PMP22: variants seen among roughly 807,000 people sequenced by gnomAD.
The protein encoded by PMP22 is Charcot-Marie-Tooth neuropathy 1A (greatly reduced nerve conduction velocity, hereditary motor sensory neuropathy Ia).
PMP22 carries 2 observed loss-of-function variants against 18.9 expected under a neutral mutation model. That is an observed-to-expected ratio of 0.11 (90% confidence interval 0.04 to 0.33). The LOEUF (loss-of-function observed/expected upper bound fraction) is 0.33. PMP22 is among the 10% of genes least tolerant of loss of function. PMP22 has a pLI of 1.00. For synonymous variants in PMP22, 95 were observed against 89.2 expected (o/e 1.07, Z -0.37); for missense variants, 169 against 202.2 (o/e 0.84, Z 1.00).
At chr17:15,256,969 G>A (rs1472076245) in intron 3 of PMP22, among the ~76,000 whole-genome samples, 3 of 152,154 alleles carry the variant, frequency 2.0e-5, no homozygotes, top group Non-Finnish European at 4.4e-5. Flanking sequence ...CCTGAGTGGC[G>A]TGAAAACAAA....
At chr17:15,236,515 G>A (rs1202274510) in intron 4 of PMP22, among the ~76,000 whole-genome samples, 4 of 152,156 alleles carry the variant, frequency 2.6e-5, no homozygotes, top group South Asian at 2.1e-4. Flanking sequence ...GGCATTTGCC[G>A]GGCATGCACG....
intron 3 of PMP22, among the ~76,000 whole-genome samples, chr17:15,251,008 C>T (rs1003908648): frequency 6.6e-6 from 1 of 152,162 alleles, no homozygotes; most frequent in Non-Finnish European, 1.5e-5. Flanking sequence ...GCTTAAAACC[C>T]TTCAATGATG....
At chr17:15,252,711 A>G (rs1908466382) in intron 3 of PMP22, among the ~76,000 whole-genome samples, 1 of 152,272 alleles carries the variant, frequency 6.6e-6, no homozygotes, top group Non-Finnish European at 1.5e-5. Context: ...ACACCTCAGC[A>G]TGAAAAAGTT....
At chr17:15,239,737 G>C in intron 3 of PMP22, 126 bp from the exon 4 acceptor site, 2 of 857,120 alleles carry the variant, frequency 2.3e-6, no homozygotes, top group Middle Eastern at 3.4e-4. Flanking sequence ...AGAAGCAGAA[G>C]TCCTTTTTCC....
intron 3 of PMP22, among the ~76,000 whole-genome samples, chr17:15,257,149 G>C (rs1398929662): frequency 6.6e-6 from 1 of 152,150 alleles, no homozygotes; most frequent in Non-Finnish European, 1.5e-5. Flanking sequence ...ACATGAGCTT[G>C]GCACAGAAGG....
intron 1 of PMP22, among the ~76,000 whole-genome samples, chr17:15,264,943 G>A (rs1198560487): frequency 6.6e-6 from 1 of 152,108 alleles, no homozygotes; most frequent in Non-Finnish European, 1.5e-5. Context: ...GATGCTCTCA[G>A]ATGGCCCCCC....
At chr17:15,240,495 T>C (rs958634191) in intron 3 of PMP22, among the ~76,000 whole-genome samples, 12 of 149,262 alleles carry the variant, frequency 8.0e-5, no homozygotes, top group Non-Finnish European at 1.8e-4. Context: ...CCAGACGGGA[T>C]GAAGGCTTAC....
chr17:15,230,712 G>T lies in PMP22; in HGVS notation c.*205C>A, dbSNP rs189734097. On this transcript the variant is annotated 3_prime_UTR_variant, in exon 5 of 5. Transcript: ENST00000312280. Reference sequence around the variant, plus strand: ...AGCAAACAATACTATGTACATATATGTAAAAAGTGTTATAAATAGGTTTTA... The same window carrying T: ...AGCAAACAATACTATGTACATATATTTAAAAAGTGTTATAAATAGGTTTTA... The T allele has an allele frequency of 1.5e-3, 918 of 598,700 alleles. 5 individuals carry two copies. Among genetic ancestry groups the T allele is most frequent in the Non-Finnish European group, 2.2e-3 (750 of 337,438 alleles). 37.1% of individuals were successfully genotyped at this position (598,700 alleles called of 1,614,324 possible).
chr17:15,255,939 G>A (rs888422608), intron 3 of PMP22, among the ~76,000 whole-genome samples: 1 of 152,048 alleles, frequency 6.6e-6, no homozygotes, highest in African/African-American at 2.4e-5. Context: ...ACCAGGCTCG[G>A]GACCATCAAG....
At chr17:15,237,528 A>G (rs1390855578) in intron 4 of PMP22, among the ~76,000 whole-genome samples, 2 of 152,222 alleles carry the variant, frequency 1.3e-5, no homozygotes, top group African/African-American at 4.8e-5. Flanking sequence ...GCAAATTTGC[A>G]TTTACCTTCC....
intron 3 of PMP22, among the ~76,000 whole-genome samples, chr17:15,240,647 A>C (rs1361664380): frequency 6.6e-6 from 1 of 152,090 alleles, no homozygotes; most frequent in East Asian, 1.9e-4. Context: ...AAACAACCTG[A>C]GTTCCACACT....
chr17:15,246,148 C>T (rs1024110307), intron 3 of PMP22, among the ~76,000 whole-genome samples: 19 of 152,224 alleles, frequency 1.2e-4, no homozygotes, highest in Non-Finnish European at 5.9e-5. Context: ...TCCTCTCCAG[C>T]ATAAGGGTGC....
At chr17:15,236,646 G>C (rs1035756848) in intron 4 of PMP22, among the ~76,000 whole-genome samples, 1 of 152,140 alleles carries the variant, frequency 6.6e-6, no homozygotes, top group Non-Finnish European at 1.5e-5. Context: ...TTCCCAAAAC[G>C]TGGGTTTCTC....
chr17:15,234,346 T>C (rs1906610283), intron 4 of PMP22, among the ~76,000 whole-genome samples: 1 of 152,160 alleles, frequency 6.6e-6, no homozygotes, highest in African/African-American at 2.4e-5. Flanking sequence ...GACTTCAAAG[T>C]GTACTTTGGT....
chr17:15,260,697 G>C lies in PMP22; in HGVS notation c.31C>G (p.Leu11Val), dbSNP rs1214377627. The C allele has an allele frequency of 6.4e-7, 1 of 1,553,780 alleles. No homozygotes were observed. The highest frequency in any genetic ancestry group is 2.0e-5 in the Admixed American group (1 of 51,230). MLLLLLSIIVLHVAVLVLLFV... is the reference protein window; with the variant it reads MLLLLLSIIVVHVAVLVLLFV... ...AGCAGCACCAGCACCGCGACGTGGAGGACGATGATACTCAGCAACAGGAGG... is the reference window on the plus strand; with the variant it reads ...AGCAGCACCAGCACCGCGACGTGGACGACGATGATACTCAGCAACAGGAGG... The change falls in exon 2 of 5, where the codon CTC (leucine) becomes GTC (valine). Residue 11 changes from leucine to valine, a missense_variant. Coordinates refer to ENST00000312280, the MANE Select transcript of PMP22 (RefSeq NM_000304.4).
At chr17:15,235,308 A>G (rs1404991698) in intron 4 of PMP22, 1 of 717,478 alleles carries the variant, frequency 1.4e-6, no homozygotes, top group Non-Finnish European at 2.6e-6. Flanking sequence ...ACAATTATCT[A>G]ATCATCCAAC....
At chr17:15,237,141 G>A (rs1484213184) in intron 4 of PMP22, among the ~76,000 whole-genome samples, 1 of 152,202 alleles carries the variant, frequency 6.6e-6, no homozygotes, top group Non-Finnish European at 1.5e-5. Context: ...TATTGACTTT[G>A]GAGGAGAATG....
chr17:15,250,041 G>A lies in PMP22; in HGVS notation c.178+9053C>T, dbSNP rs181449796. ...CGCCATTCTCCTGCCTCAGCCTCCC[G>A]AGTAGCTGGGACTACAGGCACCGGC... On this transcript the variant is annotated intron_variant, in intron 3 of 4. Coordinates refer to ENST00000312280, the MANE Select transcript of PMP22 (RefSeq NM_000304.4). Among the ~76,000 whole-genome samples the A allele has an allele frequency of 7.1e-3, 1,075 of 152,160 alleles. 7 individuals carry two copies. Among genetic ancestry groups the A allele is most frequent in the South Asian group, 0.02 (95 of 4,808 alleles).
chr17:15,239,717 C>T, intron 3 of PMP22, 106 bp from the exon 4 acceptor site: 1 of 1,061,378 alleles, frequency 9.4e-7, no homozygotes, highest in Admixed American at 1.9e-5. Context: ...GCACAGTCCT[C>T]ACAGGCAGCA....
Sources: allele counts gnomAD v4.1 joint callset (sites outside exome capture counted in the v4.1 genomes callset), GRCh38; gene constraint gnomAD v4.1.1; transcripts MANE v1.5; gene names NCBI Gene and HGNC (gene_info 2026-07-23, HGNC 2026-07-21).